Variants in CRPPA observed in about 807,000 individuals in gnomAD.
The protein encoded by CRPPA is D-ribitol-5-phosphate cytidylyltransferase.
CRPPA carries 43 observed loss-of-function variants against 52.0 expected under a neutral mutation model. The observed-to-expected ratio is 0.83, with a 90% CI of 0.65 to 1.07. The LOEUF is 1.07. Among genes scored for constraint, CRPPA ranks in the 50% least tolerant of loss-of-function variants. The pLI is 0.00. For missense variants in CRPPA, 629 were observed against 551.7 expected (o/e 1.14, Z -1.40); for synonymous variants, 250 against 203.5 (o/e 1.23, Z -1.94).
At chr7:16,375,790 G>A (rs1786864949) in intron 3 of CRPPA, among the ~76,000 whole-genome samples, 1 of 152,136 alleles carries the variant, frequency 6.6e-6, no homozygotes, top group Admixed American at 6.6e-5. Flanking sequence ...AGCCCTCCCT[G>A]GGCATAAATG....
chr7:16,154,457 AT>A (rs1425766922), intron 9 of CRPPA, among the ~76,000 whole-genome samples: 3 of 152,008 alleles, frequency 2.0e-5, no homozygotes, highest in African/African-American at 7.3e-5. Flanking sequence ...TAAGGACTTG[AT>A]TTCCCTCATG....
chr7:16,266,934 T>C (rs980407402), intron 6 of CRPPA, among the ~76,000 whole-genome samples: 1 of 152,194 alleles, frequency 6.6e-6, no homozygotes, highest in Non-Finnish European at 1.5e-5. Flanking sequence ...CATTAACTCA[T>C]ATATCATGTT....
chr7:16,241,970 T>TTTTTTG lies in CRPPA; in HGVS notation c.1119+16419_1119+16420insCAAAAA, dbSNP rs1241010922. Among the ~76,000 whole-genome samples the TTTTTTG allele has an allele frequency of 9.0e-3, 938 of 104,662 alleles. 46 individuals are homozygous for TTTTTTG. The highest frequency in any genetic ancestry group is 0.013 in the Non-Finnish European group (706 of 53,426). 68.7% of individuals were successfully genotyped at this position (104,662 alleles called of 152,430 possible). A position where few individuals can be genotyped will look rare whatever the true frequency, so the allele number is the denominator to read the frequency against. On this transcript the variant is annotated intron_variant, in intron 8 of 9. Transcript: ENST00000407010. ...TCTTTTTTTTTTTTTTTTTTTTTTGTTGGGGGGAGATAGAGTCTCGCTCTG... is the reference window on the plus strand; with the variant it reads ...TCTTTTTTTTTTTTTTTTTTTTTTGTTTTTTGTGGGGGGAGATAGAGTCTCGCTCTG...
chr7:16,187,667 G>C (rs937827968), intron 9 of CRPPA, among the ~76,000 whole-genome samples: 1 of 152,178 alleles, frequency 6.6e-6, no homozygotes, highest in African/African-American at 2.4e-5. Flanking sequence ...AACATCGAAG[G>C]CTTCATGTGA....
intron 3 of CRPPA, among the ~76,000 whole-genome samples, chr7:16,326,136 C>T (rs1785383339): frequency 6.6e-6 from 1 of 151,218 alleles, no homozygotes; most frequent in Non-Finnish European, 1.5e-5. Flanking sequence ...ACTCCAAGTC[C>T]TCTGAAAGAG....
chr7:16,145,974 G>T (rs1782966804), intron 9 of CRPPA, among the ~76,000 whole-genome samples: 1 of 151,938 alleles, frequency 6.6e-6, no homozygotes, highest in South Asian at 2.1e-4. Flanking sequence ...AATGTAAAAA[G>T]AACCTCAAGT....
rs542585459 is a variant in CRPPA, at chr7:16,359,568, A to G, written c.684+16524T>C. On this transcript the variant is annotated intron_variant, in intron 3 of 9. Transcript: ENST00000407010. ...TTCTAACTTTTGTCCCCTCCTGACC[A>G]TCCTCCAGAAGTGAGAACCTAATTT... 4.6e-5 allele frequency among the ~76,000 whole-genome samples: 7 copies of G among 152,302 alleles called. No individual in the cohort carries two copies. In the East Asian group the frequency reaches 1.2e-3, roughly 25 times the overall value.
chr7:16,367,348 A>G (rs1403489628), intron 3 of CRPPA, among the ~76,000 whole-genome samples: 1 of 152,170 alleles, frequency 6.6e-6, no homozygotes. Flanking sequence ...GCCAGGGAGG[A>G]AGGCAGGAAA....
intron 3 of CRPPA, among the ~76,000 whole-genome samples, chr7:16,318,313 CTT>C (rs904345957): frequency 4.9e-4 from 75 of 152,238 alleles, no homozygotes; most frequent in Admixed American, 7.8e-4. Context: ...GTTTTACTAT[CTT>C]AACTTTTAGC....
chr7:16,110,111 A>G (rs971002830), intron 9 of CRPPA, among the ~76,000 whole-genome samples: 5 of 152,100 alleles, frequency 3.3e-5, no homozygotes, highest in Admixed American at 2.6e-4. Flanking sequence ...ATCAGTACAC[A>G]AAACTCAGTA....
At chr7:16,185,040 T>A (rs1489412300) in intron 9 of CRPPA, among the ~76,000 whole-genome samples, 1 of 152,192 alleles carries the variant, frequency 6.6e-6, no homozygotes, top group African/African-American at 2.4e-5. Flanking sequence ...CATAGACTAT[T>A]TTAAGACAGA....
chr7:16,145,637 T>C (rs1462110339), intron 9 of CRPPA, among the ~76,000 whole-genome samples: 6 of 53,998 alleles, frequency 1.1e-4, no homozygotes, highest in Non-Finnish European at 1.1e-4. Context: ...AAATAAAAAC[T>C]ATCATAAAAA....
chr7:16,194,531 G>A (rs6949481), intron 9 of CRPPA, among the ~76,000 whole-genome samples: 108,036 of 152,006 alleles, frequency 0.71, 38,879 homozygotes, highest in Admixed American at 0.79. Flanking sequence ...AACATGTATC[G>A]GAAAAGAGAA....
At chr7:16,290,129 AC>A (rs1784529164) in intron 5 of CRPPA, among the ~76,000 whole-genome samples, 1 of 152,060 alleles carries the variant, frequency 6.6e-6, no homozygotes, top group South Asian at 2.1e-4. Flanking sequence ...AAACTACAAA[AC>A]GCTAATGAAA....
intron 9 of CRPPA, among the ~76,000 whole-genome samples, chr7:16,208,386 A>G (rs902234804): frequency 5.9e-5 from 9 of 152,192 alleles, no homozygotes; most frequent in Admixed American, 1.3e-4. Flanking sequence ...GCAGTGTTCT[A>G]TACTGAATCT....
At chr7:16,336,560 A>C (rs1785687705) in intron 3 of CRPPA, among the ~76,000 whole-genome samples, 2 of 20,112 alleles carry the variant, frequency 9.9e-5, no homozygotes, top group South Asian at 4.0e-3. Context: ...GAAAAGAGCA[A>C]AAAAAAAAAA....
In CRPPA at chr7:16,089,185, CAT is replaced by C. The variant is rs776649308; in HGVS notation, c.*2508_*2509del. ...AAATACATATATACGTACGTATATA[CAT>C]ATATGTGTGTATATACGTACGTATA... On this transcript the variant is annotated 3_prime_UTR_variant, in exon 10 of 10. Transcript: ENST00000407010. The C allele has an allele frequency of 7.1e-5, 23 of 324,042 alleles. 2 individuals carry two copies. The highest frequency in any genetic ancestry group is 3.9e-4 in the East Asian group (5 of 12,920). 20.1% of individuals were successfully genotyped at this position (324,042 alleles called of 1,614,324 possible).
At chr7:16,322,759 T>C (rs1785289677) in intron 3 of CRPPA, among the ~76,000 whole-genome samples, 1 of 152,130 alleles carries the variant, frequency 6.6e-6, no homozygotes, top group African/African-American at 2.4e-5. Flanking sequence ...CAACCGTATA[T>C]TGGGTATATA....
At chr7:16,375,165 A>G (rs1324939597) in intron 3 of CRPPA, among the ~76,000 whole-genome samples, 1 of 152,180 alleles carries the variant, frequency 6.6e-6, no homozygotes, top group East Asian at 1.9e-4. Flanking sequence ...ATCAGCTTGT[A>G]TCTGATTCAG....
Sources: gnomAD v4.1 joint callset for allele counts (sites outside exome capture counted in the v4.1 genomes callset) on GRCh38, gnomAD v4.1.1 for gene constraint, MANE v1.5 for transcripts, NCBI Gene and HGNC (gene_info 2026-07-23, HGNC 2026-07-21) for gene names.